The following WDR33 variants were observed in gnomAD, a reference collection of about 807,000 sequenced individuals.
The protein encoded by WDR33 is pre-mRNA 3' end processing protein WDR33.
WDR33 carries 47 observed loss-of-function variants against 164.9 expected under a neutral mutation model. That is an observed-to-expected ratio of 0.29 (90% confidence interval 0.23 to 0.36). The LOEUF (loss-of-function observed/expected upper bound fraction) is 0.36, where lower values mean the gene tolerates loss of function less well. Ranked by LOEUF, WDR33 falls within the 10% of genes least tolerant of loss-of-function variation. The pLI, the probability that WDR33 is intolerant of heterozygous loss-of-function variation, is 1.00. For synonymous variants in WDR33, 505 were observed against 589.0 expected (o/e 0.86, Z 2.06); for missense variants, 1,137 against 1,754.1 (o/e 0.65, Z 6.28).
In WDR33 at chr2:127,726,877, C is replaced by T. The variant is rs992260930; in HGVS notation, c.725-100G>A. ...CCTAGTAAATGTTTTGCTCTCAGTGCTCAGTCAACTTAAAACTTGTTTTGT... is the reference window on the plus strand; with the variant it reads ...CCTAGTAAATGTTTTGCTCTCAGTGTTCAGTCAACTTAAAACTTGTTTTGT... On this transcript the variant is annotated intron_variant, in intron 7 of 21. Transcript: ENST00000322313. The surrounding 1 kb of genome is among the most constrained non-coding windows in gnomAD (Gnocchi z 4.8). 6.1e-6 allele frequency: 9 copies of T among 1,475,572 alleles called. No individual in the cohort carries two copies. The highest frequency in any genetic ancestry group is 8.3e-6 in the Non-Finnish European group (9 of 1,090,758). 91.4% of individuals were successfully genotyped at this position (1,475,572 alleles called of 1,614,324 possible).
intron 7 of WDR33, among the ~76,000 whole-genome samples, chr2:127,750,650 TAAAAAA>T (rs1174539929): frequency 0.017 from 249 of 14,804 alleles, 8 homozygotes; most frequent in African/African-American, 0.05. Flanking sequence ...AACTCCATCT[TAAAAAA>T]AAAAAAAAAA....
At position 127,708,984 on chromosome 2, in the gene WDR33, G is replaced by T; in HGVS notation, c.3566-92C>A. ...TGTGAGAGTAAGGAGCAACTCGAGAGCCACCGTTCACTCATGCTGAATGCC... is the reference window on the plus strand; with the variant it reads ...TGTGAGAGTAAGGAGCAACTCGAGATCCACCGTTCACTCATGCTGAATGCC... On this transcript the variant is annotated intron_variant, in intron 20 of 21. Coordinates refer to ENST00000322313, the MANE Select transcript of WDR33 (RefSeq NM_018383.5). This position sits in a 1 kb window ranked among gnomAD's most constrained non-coding sequence, Gnocchi z 6.7. 2 of 1,335,582 alleles carry T rather than the reference G, an allele frequency of 1.5e-6. No homozygotes were observed. The highest frequency in any genetic ancestry group is 2.0e-6 in the Non-Finnish European group (2 of 1,013,018). The allele number at this position is 1,335,582 out of a possible 1,614,324, so 82.7% of individuals were successfully genotyped here. A position where few individuals can be genotyped will look rare whatever the true frequency, so the allele number is the denominator to read the frequency against.
intron 1 of WDR33, among the ~76,000 whole-genome samples, chr2:127,788,345 G>A (rs1688687820): frequency 9.1e-6 from 1 of 109,828 alleles, no homozygotes; most frequent in Non-Finnish European, 1.9e-5. Context: ...GGGCAGAGGG[G>A]CTCCTCACTT....
chr2:127,782,736 G>A (rs1362306761), intron 1 of WDR33, among the ~76,000 whole-genome samples: 1 of 152,174 alleles, frequency 6.6e-6, no homozygotes, highest in Non-Finnish European at 1.5e-5. Flanking sequence ...GGAGCCAGGA[G>A]CGGTGGCTCA....
At chr2:127,776,439 GA>G (rs1688186512) in intron 1 of WDR33, among the ~76,000 whole-genome samples, 1 of 152,186 alleles carries the variant, frequency 6.6e-6, no homozygotes, top group Non-Finnish European at 1.5e-5. Flanking sequence ...GAGGTTGACA[GA>G]AACATTGAGC....
chr2:127,803,033 A>C (rs1466749641), intron 1 of WDR33, among the ~76,000 whole-genome samples: 2 of 152,188 alleles, frequency 1.3e-5, no homozygotes, highest in Non-Finnish European at 2.9e-5. Flanking sequence ...GCAAACCCTA[A>C]TAATGAATAC....
Position 127,714,182 on chromosome 2 carries a change from G to A in WDR33, c.2870-161C>T, listed in dbSNP as rs1558920672. Among the ~76,000 whole-genome samples the A allele has an allele frequency of 6.6e-6, 1 of 152,172 alleles. No homozygotes were observed. The highest frequency in any genetic ancestry group is 1.5e-5 in the Non-Finnish European group (1 of 68,024). On this transcript the variant is annotated intron_variant, in intron 17 of 21. Transcript: ENST00000322313. The surrounding 1 kb of genome is among the most constrained non-coding windows in gnomAD (Gnocchi z 4.3). ...GGAGACAAATGTCCCTGAAGCATTGGGTAATAGAACAGGAGCTTTGGGGTG... is the reference window on the plus strand; with the variant it reads ...GGAGACAAATGTCCCTGAAGCATTGAGTAATAGAACAGGAGCTTTGGGGTG...
intron 1 of WDR33, among the ~76,000 whole-genome samples, chr2:127,804,466 G>A (rs1003401981): frequency 3.3e-5 from 5 of 152,084 alleles, no homozygotes; most frequent in Non-Finnish European, 5.9e-5. Context: ...TTAATATTGC[G>A]GGTACTTAAC....
rs1558943766 is a variant in WDR33, at chr2:127,764,944, T to C, written c.510A>G (p.Ser170=). 3 of 1,614,092 alleles carry C rather than the reference T, an allele frequency of 1.9e-6. No homozygotes were observed. The highest frequency in any genetic ancestry group is 2.7e-5 in the African/African-American group (2 of 74,948). Residue 170 remains serine (S), a synonymous_variant, in exon 6 of 22, where the codon TCA becomes TCG. Transcript: ENST00000322313. This position sits in a 1 kb window ranked among gnomAD's most constrained non-coding sequence, Gnocchi z 6.2. ...HDSPVRAMTW[S]HNDMWMLTAD... ...CTGTCAACATCCACATGTCATTATG[T>C]GACCACGTCATGGCCCTCACTGGGC...
intron 7 of WDR33, among the ~76,000 whole-genome samples, chr2:127,740,049 AAGAC>A (rs1190079316): frequency 6.6e-6 from 1 of 152,154 alleles, no homozygotes; most frequent in Non-Finnish European, 1.5e-5. Flanking sequence ...TTTTTTAAGA[AAGAC>A]AGATACTACT....
chr2:127,786,577 G>A (rs1688581391), intron 1 of WDR33, among the ~76,000 whole-genome samples: 1 of 152,162 alleles, frequency 6.6e-6, no homozygotes, highest in South Asian at 2.1e-4. Context: ...CAGCTACACA[G>A]GAGGCTACAG....
At chr2:127,762,054 G>A (rs72846268) in intron 7 of WDR33, among the ~76,000 whole-genome samples, 16,389 of 152,136 alleles carry the variant, frequency 0.11, 1,010 homozygotes, top group Middle Eastern at 0.21. Flanking sequence ...GAAACTTAAC[G>A]ATTCAACCAA....
chr2:127,723,327 C>T lies in WDR33; in HGVS notation c.1217G>A (p.Arg406Gln), dbSNP rs1686486393. The change falls in exon 12 of 22, where the codon CGA becomes CAA. Residue 406 changes from arginine to glutamine, a missense_variant. Transcript: ENST00000322313. The surrounding 1 kb of genome is among the most constrained non-coding windows in gnomAD (Gnocchi z 5.9). ...TCGATCTCGCATTTTATCACCTGGTCGGTTTCGAGTCCAGAATTTGCTGTA... is the reference window on the plus strand; with the variant it reads ...TCGATCTCGCATTTTATCACCTGGTTGGTTTCGAGTCCAGAATTTGCTGTA... ...DHTSKFWTRN[R>Q]PGDKMRDRYN... The T allele has an allele frequency of 6.2e-7, 1 of 1,613,624 alleles. No homozygotes were observed.
In WDR33 at chr2:127,721,813, C is replaced by G; in HGVS notation, c.1671+23G>C. 13 of 1,587,044 alleles carry G rather than the reference C, an allele frequency of 8.2e-6. No homozygotes were observed. The highest frequency in any genetic ancestry group is 1.1e-5 in the Non-Finnish European group (13 of 1,169,574). ...CTACCCTCTTAGATCATCTTGAATT[C>G]CCCCCTACAGAGCTTCACACACCTC... is the stretch of plus-strand genomic sequence containing the variant. On this transcript the variant is annotated intron_variant, in intron 15 of 21. Transcript: ENST00000322313. This position sits in a 1 kb window ranked among gnomAD's most constrained non-coding sequence, Gnocchi z 4.9.
At position 127,717,119 on chromosome 2, in the gene WDR33, G is replaced by T. The variant is rs1686320018; in HGVS notation, c.2869+36C>A. ...CTGTAAAATGTGCACAAAGGTGGTA[G>T]AATATAATCTTTTATTCAGCTGAGC... On this transcript the variant is annotated intron_variant, in intron 17 of 21. Coordinates refer to ENST00000322313, the MANE Select transcript of WDR33 (RefSeq NM_018383.5). The surrounding 1 kb of genome is among the most constrained non-coding windows in gnomAD (Gnocchi z 5.6). 1 of 1,546,496 alleles carries T rather than the reference G, an allele frequency of 6.5e-7. No individual in the cohort carries two copies. Among genetic ancestry groups the T allele is most frequent in the African/African-American group, 1.4e-5 (1 of 73,462 alleles).
At chr2:127,782,806 G>A (rs1015913789) in intron 1 of WDR33, among the ~76,000 whole-genome samples, 6 of 152,160 alleles carry the variant, frequency 3.9e-5, no homozygotes, top group South Asian at 2.1e-4. Context: ...TCAGGAGATC[G>A]AGACCATCCT....
intron 1 of WDR33, among the ~76,000 whole-genome samples, chr2:127,787,438 G>C (rs1235427072): frequency 7.5e-6 from 1 of 133,846 alleles, no homozygotes; most frequent in Admixed American, 7.0e-5. Flanking sequence ...GGGTGGCCGG[G>C]CAGAGGCGCC....
chr2:127,745,897 C>G (rs911582495), intron 7 of WDR33, among the ~76,000 whole-genome samples: 2 of 152,012 alleles, frequency 1.3e-5, no homozygotes, highest in African/African-American at 4.8e-5. Context: ...TGGTGGCAAG[C>G]TCCTGTAGTC....
At position 127,721,794 on chromosome 2, in the gene WDR33, T is replaced by C; in HGVS notation, c.1671+42A>G. On this transcript the variant is annotated intron_variant, in intron 15 of 21. Transcript: ENST00000322313. The surrounding 1 kb of genome is among the most constrained non-coding windows in gnomAD (Gnocchi z 4.9). ...ATCAATAAAAATGTCACCACTACCCTCTTAGATCATCTTGAATTCCCCCCT... is the reference window on the plus strand; with the variant it reads ...ATCAATAAAAATGTCACCACTACCCCCTTAGATCATCTTGAATTCCCCCCT... The C allele has an allele frequency of 6.3e-7, 1 of 1,575,562 alleles. No individual in the cohort carries two copies. The highest frequency in any genetic ancestry group is 8.6e-7 in the Non-Finnish European group (1 of 1,163,886).
Sources: allele counts gnomAD v4.1 joint callset (sites outside exome capture counted in the v4.1 genomes callset), GRCh38; gene constraint gnomAD v4.1.1; non-coding constraint Gnocchi (gnomAD v3.1); transcripts MANE v1.5; gene names NCBI Gene and HGNC (gene_info 2026-07-23, HGNC 2026-07-21).